The following OPCML variants were observed in gnomAD, a reference collection of about 807,000 sequenced individuals.
OPCML encodes opioid binding protein/cell adhesion molecule like, also known as opioid-binding protein/cell adhesion molecule.
OPCML carries 13 observed loss-of-function variants against 37.8 expected under a neutral mutation model. That is an observed-to-expected ratio of 0.34 (90% CI 0.22 to 0.55). The LOEUF is 0.55. OPCML is among the 20% of genes least tolerant of loss of function. The pLI is 0.91. For synonymous variants in OPCML, 176 were observed against 168.8 expected, an observed-to-expected ratio of 1.04 and a Z score of -0.33; for missense variants, 341 against 435.6, an observed-to-expected ratio of 0.78 and a Z score of 1.93.
At chr11:132,874,564 T>C (rs574173971) in intron 2 of OPCML, among the ~76,000 whole-genome samples, 4 of 152,246 alleles carry the variant, frequency 2.6e-5, no homozygotes, top group Admixed American at 6.5e-5. Context: ...TGAGAATAAC[T>C]GGAATTGTTC....
intron 3 of OPCML, among the ~76,000 whole-genome samples, chr11:132,619,683 CA>C (rs67315430): frequency 0.26 from 35,273 of 135,266 alleles, 4,498 homozygotes; most frequent in East Asian, 0.32. Context: ...CTGAAAATAC[CA>C]AAAAAAAAAA....
At chr11:132,786,399 A>G (rs1591608214) in intron 2 of OPCML, among the ~76,000 whole-genome samples, 1 of 152,210 alleles carries the variant, frequency 6.6e-6, no homozygotes. Context: ...AATGATATCA[A>G]TGCCGTAGAT....
intron 2 of OPCML, among the ~76,000 whole-genome samples, chr11:132,777,876 A>G (rs1484263989): frequency 1.3e-5 from 2 of 152,196 alleles, no homozygotes; most frequent in African/African-American, 2.4e-5. Flanking sequence ...TCATTCCCAC[A>G]TAATGAGATA....
intron 1 of OPCML, among the ~76,000 whole-genome samples, chr11:133,333,673 C>G (rs185051404): frequency 6.6e-6 from 1 of 152,054 alleles, no homozygotes; most frequent in Non-Finnish European, 1.5e-5. Context: ...TGCTGTGCAG[C>G]GAAAGAAACT....
chr11:132,843,233 T>A (rs998583508), intron 2 of OPCML, among the ~76,000 whole-genome samples: 2 of 152,054 alleles, frequency 1.3e-5, no homozygotes, highest in Non-Finnish European at 2.9e-5. Context: ...TAGCTGGGAT[T>A]ACAGTCATGT....
intron 2 of OPCML, among the ~76,000 whole-genome samples, chr11:132,787,060 G>C (rs1385923709): frequency 2.0e-5 from 3 of 152,150 alleles, no homozygotes; most frequent in Admixed American, 6.5e-5. Flanking sequence ...TAGGTCTAGG[G>C]TAAGGCCTGG....
intron 1 of OPCML, among the ~76,000 whole-genome samples, chr11:133,521,001 T>C (rs899684060): frequency 6.6e-6 from 1 of 152,118 alleles, no homozygotes; most frequent in South Asian, 2.1e-4. Context: ...CTCTTTGGCA[T>C]GCACTCCACT....
intron 1 of OPCML, among the ~76,000 whole-genome samples, chr11:133,052,068 G>A (rs1948142010): frequency 6.6e-6 from 1 of 152,190 alleles, no homozygotes; most frequent in African/African-American, 2.4e-5. Context: ...ACATCACAAA[G>A]AGATTTGAAG....
intron 4 of OPCML, among the ~76,000 whole-genome samples, chr11:132,509,473 G>A (rs572466484): frequency 2.8e-4 from 42 of 152,222 alleles, no homozygotes; most frequent in African/African-American, 9.9e-4. Context: ...CTTGATAGCA[G>A]CCCCTCCCAT....
At chr11:133,337,592 T>C (rs1943771133) in intron 1 of OPCML, among the ~76,000 whole-genome samples, 1 of 152,174 alleles carries the variant, frequency 6.6e-6, no homozygotes, top group Non-Finnish European at 1.5e-5. Context: ...TTACATACTG[T>C]ACAGTCAGTT....
intron 3 of OPCML, among the ~76,000 whole-genome samples, chr11:132,633,293 C>T (rs796189406): frequency 5.3e-5 from 8 of 150,512 alleles, no homozygotes; most frequent in African/African-American, 2.0e-4. Context: ...ACCTCTACCT[C>T]CTGGGTTCAA....
At chr11:133,471,650 T>C (rs1421557489) in intron 1 of OPCML, among the ~76,000 whole-genome samples, 1 of 151,434 alleles carries the variant, frequency 6.6e-6, no homozygotes, top group African/African-American at 2.4e-5. Context: ...AAAACCGGAG[T>C]GGAAGAAGCA....
chr11:132,703,484 C>T (rs892308720), intron 2 of OPCML, among the ~76,000 whole-genome samples: 7 of 152,124 alleles, frequency 4.6e-5, no homozygotes, highest in Non-Finnish European at 1.0e-4. Context: ...GTTGCCTGTA[C>T]AAGAAGTACA....
intron 1 of OPCML, among the ~76,000 whole-genome samples, chr11:133,510,897 A>ACACACG (rs1555168907): frequency 2.7e-5 from 4 of 149,990 alleles, no homozygotes; most frequent in Non-Finnish European, 4.4e-5. Flanking sequence ...ACACACACAC[A>ACACACG]CACACGCACA....
At chr11:133,005,896 C>G in intron 1 of OPCML, 1 of 985,382 alleles carries the variant, frequency 1.0e-6, no homozygotes, top group Non-Finnish European at 1.2e-6. Flanking sequence ...AATTTCCAAT[C>G]ATCCTTTGGG....
rs76447705 is a variant in OPCML at position 133,222,974 on chromosome 11, C to T, written c.62-279964G>A. Among the ~76,000 whole-genome samples the T allele has an allele frequency of 3.2e-3, 491 of 152,262 alleles. 9 individuals carry two copies. The East Asian group carries it at 0.061, about 19-fold the overall frequency. ...TTGTGTACTTGGGACATTTAGATTT[C>T]GCTTGCAGAATCCCACATCTCCCAC... On this transcript the variant is annotated intron_variant, in intron 1 of 7. Transcript: ENST00000524381.
At chr11:133,462,979 C>T (rs940561929) in intron 1 of OPCML, among the ~76,000 whole-genome samples, 2 of 151,968 alleles carry the variant, frequency 1.3e-5, no homozygotes, top group East Asian at 3.9e-4. Context: ...GATATGTACA[C>T]ACAATGAGAT....
chr11:133,350,017 G>A (rs1019728017), intron 1 of OPCML, among the ~76,000 whole-genome samples: 4 of 152,194 alleles, frequency 2.6e-5, no homozygotes, highest in South Asian at 4.1e-4. Context: ...ATCGCGGGCT[G>A]CAGAGGAGCC....
intron 1 of OPCML, among the ~76,000 whole-genome samples, chr11:133,100,552 C>T (rs1169686429): frequency 6.6e-6 from 1 of 152,170 alleles, no homozygotes; most frequent in Non-Finnish European, 1.5e-5. Flanking sequence ...ACTGACACTA[C>T]CTGACTTCAA....
Sources: allele counts gnomAD v4.1 joint callset (sites outside exome capture counted in the v4.1 genomes callset), GRCh38; gene constraint gnomAD v4.1.1; transcripts MANE v1.5; gene names NCBI Gene and HGNC (gene_info 2026-07-23, HGNC 2026-07-21).